CUL5: variants seen among roughly 807,000 people sequenced by gnomAD.
CUL5 encodes cullin-5.
CUL5 carries 26 observed loss-of-function variants against 108.8 expected under a neutral mutation model. The observed-to-expected ratio is 0.24, with a 90% confidence interval of 0.18 to 0.33. The LOEUF (loss-of-function observed/expected upper bound fraction) is 0.33. Ranked by LOEUF, CUL5 falls within the 10% of genes least tolerant of loss-of-function variation. The probability of loss-of-function intolerance (pLI) is 1.00; values close to 1 mark genes in which losing one functional copy is unlikely to be tolerated. For missense variants in CUL5, 524 were observed against 909.2 expected (o/e 0.58, Z 5.45); for synonymous variants, 334 against 298.0 (o/e 1.12, Z -1.25).
chr11:108,056,934 G>A (rs1863394279), intron 7 of CUL5, among the ~76,000 whole-genome samples: 1 of 152,118 alleles, frequency 6.6e-6, no homozygotes, highest in Admixed American at 6.5e-5. Context: ...GAGAGATTAG[G>A]TATAAAAATA....
At position 108,095,544 on chromosome 11, in the gene CUL5, T is replaced by C. The variant is rs751521724; in HGVS notation, c.1758T>C (p.Asn586=). The C allele has an allele frequency of 1.2e-5, 19 of 1,605,774 alleles. No individual in the cohort carries two copies. Among genetic ancestry groups the C allele is most frequent in the Non-Finnish European group, 1.5e-5 (18 of 1,174,426 alleles). ...ATCTATTATAGATAACATTTAAGAA[T>C]GAAGTTGGTCAATATGATTTGGAGG... ...LMSNGIITFK[N]EVGQYDLEVT... is the part of the protein sequence containing the mutation. Residue 586 remains asparagine (N), a synonymous_variant, in exon 16 of 19, where the codon AAT becomes AAC. Transcript: ENST00000393094.
intron 16 of CUL5, among the ~76,000 whole-genome samples, 159 bp downstream of exon 16, chr11:108,095,850 C>T (rs554799291): frequency 6.6e-6 from 1 of 152,076 alleles, no homozygotes; most frequent in Admixed American, 6.6e-5. Flanking sequence ...AATCCCAGCA[C>T]TTTGGAAGGC....
In CUL5 at chr11:108,104,534, G is replaced by T; in HGVS notation, c.*150G>T. 3.8e-6 allele frequency: 2 copies of T among 528,258 alleles called. No individual in the cohort carries two copies. Among genetic ancestry groups the T allele is most frequent in the Non-Finnish European group, 3.3e-6 (1 of 303,864 alleles). 32.7% of individuals were successfully genotyped at this position (528,258 alleles called of 1,614,324 possible). A position where few individuals can be genotyped will look rare whatever the true frequency, so the allele number is the denominator to read the frequency against. On this transcript the variant is annotated 3_prime_UTR_variant, in exon 19 of 19. Transcript: ENST00000393094. The stretch of plus-strand genomic sequence containing the variant: ...TACCTTACAAAAACAACTATATTTT[G>T]CCAATCACATTAGTTAGCATGATGG...
chr11:108,068,768 A>C (rs538911565), intron 7 of CUL5, among the ~76,000 whole-genome samples: 1 of 152,266 alleles, frequency 6.6e-6, no homozygotes, highest in Admixed American at 6.5e-5. Context: ...AGATGACATG[A>C]TATCTTCTGC....
chr11:108,071,827 T>TA (rs1271017618), intron 8 of CUL5, among the ~76,000 whole-genome samples: 1 of 152,140 alleles, frequency 6.6e-6, no homozygotes, highest in Non-Finnish European at 1.5e-5. Context: ...GTGCTGGAGT[T>TA]ACAAGCGTGA....
intron 1 of CUL5, among the ~76,000 whole-genome samples, chr11:108,013,292 T>C (rs1862097958): frequency 6.6e-6 from 1 of 152,240 alleles, no homozygotes; most frequent in African/African-American, 2.4e-5. Context: ...TATCTTTGTA[T>C]ATTTTTTTCT....
At chr11:108,075,578 C>T (rs144709115) in intron 10 of CUL5, among the ~76,000 whole-genome samples, 1 of 152,296 alleles carries the variant, frequency 6.6e-6, no homozygotes, top group Non-Finnish European at 1.5e-5. Context: ...CTGTGTCGCC[C>T]AGTCTGGAGT....
rs776271860 is a variant in CUL5, at chr11:108,010,133, T to C, written c.24+761T>C. Among the ~76,000 whole-genome samples the C allele has an allele frequency of 7.2e-5, 11 of 152,372 alleles. No homozygotes were observed. The Middle Eastern group carries it at 0.01, about 141-fold the overall frequency. On this transcript the variant is annotated intron_variant, in intron 1 of 18. Transcript: ENST00000393094. ...ACCAGTTAAAAAGTTTGGAGAAGAATGAGGAAGACTTAGAACTAGTCTGTT... is the reference window on the plus strand; with the variant it reads ...ACCAGTTAAAAAGTTTGGAGAAGAACGAGGAAGACTTAGAACTAGTCTGTT...
chr11:108,086,274 A>G (rs952189319), intron 11 of CUL5, among the ~76,000 whole-genome samples: 2 of 152,196 alleles, frequency 1.3e-5, no homozygotes, highest in African/African-American at 4.8e-5. Context: ...TAAAACAGCC[A>G]CGGGGGAAAA....
In CUL5 at chr11:108,059,291, G is replaced by A. The variant is rs78731801; in HGVS notation, c.780+4336G>A. Reference sequence around the variant, plus strand: ...TTAGTATTTATTATATACCCACAGTGTGTCAGGCATTATGCTAGTTGGGGA... The same window carrying A: ...TTAGTATTTATTATATACCCACAGTATGTCAGGCATTATGCTAGTTGGGGA... On this transcript the variant is annotated intron_variant, in intron 7 of 18. Transcript: ENST00000393094. Among the ~76,000 whole-genome samples, 280 of 152,314 alleles carry A rather than the reference G, an allele frequency of 1.8e-3. 11 individuals carry two copies. In the East Asian group the frequency reaches 0.039, roughly 21 times the overall value.
chr11:108,026,786 C>T (rs1051832504), intron 1 of CUL5, among the ~76,000 whole-genome samples: 4 of 151,874 alleles, frequency 2.6e-5, no homozygotes, highest in Admixed American at 6.6e-5. Context: ...GTCAGGAGTT[C>T]GAGACCACCC....
At chr11:108,070,217 A>G (rs770335374) in intron 8 of CUL5, 28 bp downstream of exon 8, 5 of 1,497,616 alleles carry the variant, frequency 3.3e-6, no homozygotes, top group South Asian at 1.1e-5. Context: ...TAAAGTTATC[A>G]TAATCTTCTA....
intron 13 of CUL5, among the ~76,000 whole-genome samples, chr11:108,093,560 A>G (rs192743613): frequency 7.2e-5 from 11 of 152,144 alleles, no homozygotes; most frequent in African/African-American, 1.9e-4. Context: ...ATCTTTGCCA[A>G]TTATCTTGTT....
At chr11:108,037,780 T>A (rs977983921) in intron 2 of CUL5, among the ~76,000 whole-genome samples, 2 of 152,226 alleles carry the variant, frequency 1.3e-5, no homozygotes, top group Non-Finnish European at 2.9e-5. Flanking sequence ...TAAGTCACAC[T>A]GTTTGTGTAA....
chr11:108,050,087 G>A, intron 4 of CUL5, 21 bp downstream of exon 4: 1 of 1,552,072 alleles, frequency 6.4e-7, no homozygotes, highest in Non-Finnish European at 8.7e-7. Context: ...TTTTCTCCTT[G>A]TTTTCCTAAT....
At chr11:108,025,008 T>C (rs1862421247) in intron 1 of CUL5, among the ~76,000 whole-genome samples, 1 of 152,204 alleles carries the variant, frequency 6.6e-6, no homozygotes, top group South Asian at 2.1e-4. Flanking sequence ...TTGTTTAATG[T>C]CTTATATCTG....
intron 7 of CUL5, among the ~76,000 whole-genome samples, chr11:108,058,245 C>CTT (rs771714382): frequency 0.081 from 8,076 of 100,024 alleles, 500 homozygotes; most frequent in East Asian, 0.15. Flanking sequence ...TGAAGAGTGC[C>CTT]TTTTTTTTTT....
chr11:108,055,040 T>C lies in CUL5; in HGVS notation c.780+85T>C. On this transcript the variant is annotated intron_variant, in intron 7 of 18. Transcript: ENST00000393094. The stretch of plus-strand genomic sequence containing the variant: ...TGGCAAATAAACAACATAAATAATA[T>C]TATTTAACAACCAACATTGTTAATT... 3.1e-6 allele frequency: 3 copies of C among 971,380 alleles called. No individual in the cohort carries two copies. The South Asian group carries it at 5.0e-5, about 16-fold the overall frequency. The allele number at this position is 971,380 out of a possible 1,614,324, so 60.2% of individuals were successfully genotyped here.
chr11:108,091,706 C>A (rs569376757), intron 13 of CUL5, among the ~76,000 whole-genome samples: 1 of 149,308 alleles, frequency 6.7e-6, no homozygotes, highest in East Asian at 2.0e-4. Flanking sequence ...CACACACACA[C>A]ACACACACAC....
Sources: gnomAD v4.1 joint callset for allele counts (sites outside exome capture counted in the v4.1 genomes callset) on GRCh38, gnomAD v4.1.1 for gene constraint, MANE v1.5 for transcripts, NCBI Gene and HGNC (gene_info 2026-07-23, HGNC 2026-07-21) for gene names.